GRIP1: variants seen among roughly 807,000 people sequenced by gnomAD.
GRIP1 encodes glutamate receptor interacting protein 1.
A neutral mutation model predicts 129.9 loss-of-function variants in GRIP1; 45 were observed. The ratio of observed to expected loss-of-function variants is 0.35; its 90% CI spans 0.27 to 0.44. The LOEUF (loss-of-function observed/expected upper bound fraction) is 0.44. Ranked by LOEUF, GRIP1 falls within the 20% of genes least tolerant of loss-of-function variation. GRIP1 has a pLI of 1.00. For missense variants in GRIP1, 1,196 were observed against 1,396.8 expected (o/e 0.86, Z 2.29); for synonymous variants, 530 against 520.8 (o/e 1.02, Z -0.24).
intron 5 of GRIP1, among the ~76,000 whole-genome samples, chr12:66,520,866 T>C (rs2060980459): frequency 6.6e-6 from 1 of 152,230 alleles, no homozygotes; most frequent in Non-Finnish European, 1.5e-5. Context: ...TTTCAATAAT[T>C]AGGCTATGTA....
intron 1 of GRIP1, among the ~76,000 whole-genome samples, chr12:66,798,030 T>G (rs1444854442): frequency 6.6e-6 from 1 of 152,200 alleles, no homozygotes; most frequent in African/African-American, 2.4e-5. Flanking sequence ...AGGAGCATTT[T>G]AAATATGAAC....
At chr12:66,711,626 C>T (rs1044717427) in intron 1 of GRIP1, among the ~76,000 whole-genome samples, 5 of 151,684 alleles carry the variant, frequency 3.3e-5, no homozygotes. Context: ...ATTGAGTGCA[C>T]AAAGATCCAA....
chr12:66,831,124 T>C (rs1378837946), intron 1 of GRIP1, among the ~76,000 whole-genome samples: 1 of 151,998 alleles, frequency 6.6e-6, no homozygotes, highest in Admixed American at 6.6e-5. Flanking sequence ...AAAGTGCTGG[T>C]ATTACAGGTG....
At chr12:66,807,470 G>A (rs1339380148), upstream of GRIP1, among the ~76,000 whole-genome samples, 13 of 152,070 alleles carry the variant, frequency 8.5e-5, no homozygotes, top group African/African-American at 1.2e-4. Flanking sequence ...TCAGGAGATC[G>A]AGACCATCCT....
intron 2 of GRIP1, among the ~76,000 whole-genome samples, chr12:66,584,376 G>A (rs948702601): frequency 1.4e-4 from 21 of 151,908 alleles, no homozygotes; most frequent in African/African-American, 4.8e-4. Context: ...CCTGCACATT[G>A]TGCACATGTA....
chr12:66,999,661 G>A (rs191926135), intron 1 of GRIP1, among the ~76,000 whole-genome samples: 6 of 152,048 alleles, frequency 3.9e-5, no homozygotes, highest in African/African-American at 9.7e-5. Context: ...GTGTAATACA[G>A]AACTATCTAA....
At position 66,549,915 on chromosome 12, in the gene GRIP1, T is replaced by C. The variant is rs190788545; in HGVS notation, c.137-7965A>G. 4.1e-4 allele frequency among the ~76,000 whole-genome samples: 62 copies of C among 152,290 alleles called. 1 individual carries two copies. Among genetic ancestry groups the C allele is most frequent in the African/African-American group, 1.2e-3 (51 of 41,580 alleles). ...TCCAAAGAAAGGGGATATACAAATA[T>C]GCAGTGTCAAATACAAAAATATGTG... On this transcript the variant is annotated intron_variant, in intron 2 of 24. Transcript: ENST00000359742.
At chr12:66,745,690 G>C (rs180836833) in intron 1 of GRIP1, among the ~76,000 whole-genome samples, 2 of 152,314 alleles carry the variant, frequency 1.3e-5, no homozygotes, top group East Asian at 3.9e-4. Context: ...TTGACATGCA[G>C]AAGGAGAGGG....
At chr12:66,859,210 G>A (rs1451035767) in intron 1 of GRIP1, among the ~76,000 whole-genome samples, 2 of 127,048 alleles carry the variant, frequency 1.6e-5, no homozygotes, top group Non-Finnish European at 3.3e-5. Context: ...AAATTGCCAG[G>A]AAATAGCAAA....
chr12:66,360,130 A>AGACT (rs1331555284), intron 23 of GRIP1, among the ~76,000 whole-genome samples: 1 of 152,228 alleles, frequency 6.6e-6, no homozygotes, highest in African/African-American at 2.4e-5. Context: ...CCAGGATTCA[A>AGACT]GACTAGAATA....
intron 1 of GRIP1, among the ~76,000 whole-genome samples, chr12:66,794,380 G>A (rs1054985745): frequency 4.6e-5 from 7 of 152,164 alleles, no homozygotes; most frequent in African/African-American, 1.7e-4. Flanking sequence ...ATGAGGATAT[G>A]GCACTCACAA....
chr12:66,640,247 A>G (rs1251173867), intron 1 of GRIP1, among the ~76,000 whole-genome samples: 2 of 152,230 alleles, frequency 1.3e-5, no homozygotes, highest in Admixed American at 6.5e-5. Context: ...GACAGAGATC[A>G]TAGTTATTCA....
intron 1 of GRIP1, among the ~76,000 whole-genome samples, chr12:66,992,159 A>T (rs1314803871): frequency 2.0e-5 from 3 of 152,208 alleles, no homozygotes; most frequent in Non-Finnish European, 2.9e-5. Context: ...ATTGCAAAAA[A>T]TTAAAGCATA....
intron 1 of GRIP1, among the ~76,000 whole-genome samples, chr12:66,620,790 C>A (rs904439054): frequency 6.6e-6 from 1 of 152,126 alleles, no homozygotes; most frequent in Middle Eastern, 3.4e-3. Context: ...CCCCTCCCCC[C>A]CAGACTTTTA....
chr12:66,944,532 G>T (rs1404104865), intron 1 of GRIP1, among the ~76,000 whole-genome samples: 3 of 151,844 alleles, frequency 2.0e-5, no homozygotes, highest in Non-Finnish European at 1.5e-5. Flanking sequence ...CGTGGGGGTG[G>T]AGGGGTGGGG....
At chr12:67,051,952 A>G (rs1022303244) in intron 1 of GRIP1, among the ~76,000 whole-genome samples, 1 of 152,204 alleles carries the variant, frequency 6.6e-6, no homozygotes, top group African/African-American at 2.4e-5. Context: ...CTATTCATCA[A>G]ATGAAGTCAC....
intron 1 of GRIP1, among the ~76,000 whole-genome samples, chr12:66,932,659 T>C (rs929455154): frequency 6.6e-6 from 1 of 151,872 alleles, no homozygotes; most frequent in Non-Finnish European, 1.5e-5. Flanking sequence ...AGATTATCAA[T>C]GTTTTTTGTT....
At chr12:66,834,848 G>T (rs2039582364) in intron 1 of GRIP1, among the ~76,000 whole-genome samples, 1 of 147,346 alleles carries the variant, frequency 6.8e-6, no homozygotes, top group South Asian at 2.2e-4. Flanking sequence ...TTGAGCTCAG[G>T]AGTTCAAGGC....
chr12:66,605,127 T>C (rs1053767617), intron 1 of GRIP1, among the ~76,000 whole-genome samples: 2 of 151,730 alleles, frequency 1.3e-5, no homozygotes, highest in African/African-American at 4.8e-5. Flanking sequence ...AAATAGTACA[T>C]AGGTTTTCCT....
Sources: gnomAD v4.1 joint callset for allele counts (sites outside exome capture counted in the v4.1 genomes callset) on GRCh38, gnomAD v4.1.1 for gene constraint, MANE v1.5 for transcripts, NCBI Gene and HGNC (gene_info 2026-07-23, HGNC 2026-07-21) for gene names.